The following SH3BP1 variants were observed in gnomAD, a reference collection of about 807,000 sequenced individuals.
SH3BP1 encodes the protein SH3 domain-binding protein 1.
SH3BP1 carries 46 observed loss-of-function variants against 69.8 expected under a neutral mutation model. That is an observed-to-expected ratio of 0.66 (90% CI 0.52 to 0.84). The LOEUF is 0.84. Ranked by LOEUF, SH3BP1 falls within the 40% of genes least tolerant of loss-of-function variation. The probability of loss-of-function intolerance (pLI) is 0.00; values close to 1 mark genes in which losing one functional copy is unlikely to be tolerated. For missense variants in SH3BP1, 868 were observed against 930.9 expected (o/e 0.93, Z 0.88); for synonymous variants, 403 against 378.0 (o/e 1.07, Z -0.77).
chr22:37,642,916 T>C lies in SH3BP1; in HGVS notation c.306T>C (p.Cys102=). 2.5e-6 allele frequency: 4 copies of C among 1,612,678 alleles called. No homozygotes were observed. Among genetic ancestry groups the C allele is most frequent in the African/African-American group, 1.3e-5 (1 of 74,992 alleles). Residue 102 remains cysteine (C), a synonymous_variant, in exon 5 of 18, where the codon TGT becomes TGC. Transcript: ENST00000649765. ...SSMGKALEMS[C]AIQNQLARIL... ...ACAGGAAGGCCTTGGAGATGAGCTG[T>C]GCCATCCAGAATCAGCTGGCCCGCA...
Position 37,655,447 on chromosome 22 carries a change from A to G in SH3BP1, c.1869A>G (p.Leu623=). Residue 623 remains leucine (L), a synonymous_variant, in exon 18 of 18, where the codon TTA becomes TTG. Coordinates refer to ENST00000649765, the MANE Select transcript of SH3BP1 (RefSeq NM_018957.6). ...SLRAPTVPPP[L]PPTPPQPARR... ...GAGCCCCCACAGTGCCACCCCCGTTACCCCCCACACCCCCTCAGCCTGCCC... is the reference window on the plus strand; with the variant it reads ...GAGCCCCCACAGTGCCACCCCCGTTGCCCCCCACACCCCCTCAGCCTGCCC... 1.2e-5 allele frequency: 5 copies of G among 425,458 alleles called. No individual in the cohort carries two copies. Among genetic ancestry groups the G allele is most frequent in the South Asian group, 2.9e-5 (1 of 34,454 alleles). The allele number at this position is 425,458 out of a possible 1,614,324, so 26.4% of individuals were successfully genotyped here. A position where few individuals can be genotyped will look rare whatever the true frequency, so the allele number is the denominator to read the frequency against.
chr22:37,642,410 G>C, intron 3 of SH3BP1, 129 bp from the exon 4 acceptor site: 2 of 803,778 alleles, frequency 2.5e-6, no homozygotes, highest in Non-Finnish European at 4.1e-6. Flanking sequence ...TTGTCATCTT[G>C]TTTCCACTCT....
intron 13 of SH3BP1, 35 bp downstream of exon 13, chr22:37,647,556 A>G: frequency 1.9e-6 from 3 of 1,553,558 alleles, no homozygotes; most frequent in Non-Finnish European, 2.6e-6. Flanking sequence ...CCTGCCGCAG[A>G]GCCAGAGCCC....
At chr22:37,645,618 C>G in intron 10 of SH3BP1, 108 bp downstream of exon 10, 1 of 1,312,648 alleles carries the variant, frequency 7.6e-7, no homozygotes, top group East Asian at 2.4e-5. Context: ...CATTCGAGCC[C>G]AGCTCCCTGG....
chr22:37,655,839 G>C lies in SH3BP1; in HGVS notation c.*155G>C. On this transcript the variant is annotated 3_prime_UTR_variant, in exon 18 of 18. Transcript: ENST00000649765. Reference sequence around the variant, plus strand: ...TGGGTCGGCCCCCATGGCCAGGAGGGCTCAGGACAATCCTCTATTTCCTGA... The same window carrying C: ...TGGGTCGGCCCCCATGGCCAGGAGGCCTCAGGACAATCCTCTATTTCCTGA... 6.7e-7 allele frequency: 1 copy of C among 1,499,180 alleles called. No homozygotes were observed. The highest frequency in any genetic ancestry group is 1.3e-5 in the South Asian group (1 of 76,980). 92.9% of individuals were successfully genotyped at this position (1,499,180 alleles called of 1,614,324 possible). A position where few individuals can be genotyped will look rare whatever the true frequency, so the allele number is the denominator to read the frequency against.
chr22:37,652,082 T>A (rs1335066443), intron 16 of SH3BP1, among the ~76,000 whole-genome samples: 2 of 151,852 alleles, frequency 1.3e-5, no homozygotes, highest in Non-Finnish European at 2.9e-5. Flanking sequence ...TCCCAGCACT[T>A]TGGGAGGCCG....
chr22:37,650,479 G>A (rs909367988), intron 15 of SH3BP1, 63 bp from the exon 16 acceptor site: 16 of 1,553,920 alleles, frequency 1.0e-5, no homozygotes, highest in East Asian at 6.8e-5. Context: ...AAACGGTCCC[G>A]GCCAGTGGAG....
Position 37,647,286 on chromosome 22 carries a change from G to T in SH3BP1, c.1056G>T (p.Leu352=). Residue 352 remains leucine (L), a synonymous_variant, in exon 12 of 18, where the codon CTG becomes CTT. Coordinates refer to ENST00000649765, the MANE Select transcript of SH3BP1 (RefSeq NM_018957.6). The stretch of plus-strand genomic sequence containing the variant: ...CTTCAGGTGCCCTCAAGTCCTATCT[G>T]CGGGAGCTGCCAGAGCCTCTGATGA... ...HAVAGALKSY[L]RELPEPLMTF... is the part of the protein sequence containing the mutation. The T allele has an allele frequency of 6.2e-7, 1 of 1,614,028 alleles. No individual in the cohort carries two copies. Among genetic ancestry groups the T allele is most frequent in the Non-Finnish European group, 8.5e-7 (1 of 1,179,964 alleles).
chr22:37,642,296 A>G, intron 3 of SH3BP1: 2 of 529,104 alleles, frequency 3.8e-6, no homozygotes, highest in Non-Finnish European at 6.9e-6. Context: ...GGACTTGGTC[A>G]TTCCTTCCTG....
chr22:37,652,741 C>G (rs1166655797), intron 16 of SH3BP1, among the ~76,000 whole-genome samples: 2 of 149,564 alleles, frequency 1.3e-5, no homozygotes, highest in Non-Finnish European at 3.0e-5. Flanking sequence ...AGGAGAATGG[C>G]TTGAACCGGG....
chr22:37,655,272 C>A lies in SH3BP1; in HGVS notation c.1694C>A (p.Thr565Asn), dbSNP rs1211988184. The A allele has an allele frequency of 1.9e-6, 3 of 1,586,036 alleles. No individual in the cohort carries two copies. Among genetic ancestry groups the A allele is most frequent in the Non-Finnish European group, 2.6e-6 (3 of 1,169,294 alleles). The change falls in exon 18 of 18, where the codon ACC becomes AAC. Residue 565 changes from threonine (T) to asparagine (N), a missense_variant and splice_region_variant. By Grantham distance (65) the Thr-to-Asn change is moderately conservative (BLOSUM62 0). Coordinates refer to ENST00000649765, the MANE Select transcript of SH3BP1 (RefSeq NM_018957.6). ...CCCTCACCCTTTCCTTCCTCAACAG[C>A]CAAGCGCCCGGCGCCAGCCCGGCCC... ...AAPVEDMARR[T>N]KRPAPARPTM...
intron 17 of SH3BP1, 132 bp from the exon 18 acceptor site, chr22:37,655,140 G>A (rs2146078537): frequency 1.5e-6 from 1 of 664,612 alleles, no homozygotes; most frequent in South Asian, 2.1e-5. Context: ...ACGATGAGGA[G>A]CCAGCCGCAG....
intron 10 of SH3BP1, among the ~76,000 whole-genome samples, chr22:37,646,185 AC>A (rs1352356698): frequency 6.7e-6 from 1 of 150,260 alleles, no homozygotes; most frequent in Non-Finnish European, 1.5e-5. Context: ...CTAGTCCTGA[AC>A]TCCTAACCTC....
At chr22:37,647,132 C>T (rs1932798679) in intron 11 of SH3BP1, 135 bp from the exon 12 acceptor site, 2 of 868,720 alleles carry the variant, frequency 2.3e-6, no homozygotes, top group South Asian at 1.6e-5. Flanking sequence ...TTCATTTTCT[C>T]AAAAGGGCCT....
intron 11 of SH3BP1, 21 bp from the exon 12 acceptor site, chr22:37,647,246 C>A: frequency 6.2e-7 from 1 of 1,611,686 alleles, no homozygotes; most frequent in Non-Finnish European, 8.5e-7. Context: ...GCCTCTGACC[C>A]TCCCCACACC....
chr22:37,644,548 G>C, intron 7 of SH3BP1, 89 bp from the exon 8 acceptor site: 2 of 1,258,126 alleles, frequency 1.6e-6, no homozygotes, highest in African/African-American at 1.5e-5. Context: ...GTGTGGCCTG[G>C]GGGAGGTCAC....
intron 4 of SH3BP1, 107 bp from the exon 5 acceptor site, chr22:37,642,788 A>G: frequency 3.1e-6 from 5 of 1,593,228 alleles, no homozygotes; most frequent in Non-Finnish European, 4.3e-6. Flanking sequence ...GCAGAGATGA[A>G]GGATATCTAG....
intron 4 of SH3BP1, 28 bp downstream of exon 4, chr22:37,642,643 C>T: frequency 6.2e-7 from 1 of 1,613,002 alleles, no homozygotes; most frequent in Non-Finnish European, 8.5e-7. Flanking sequence ...CCAGCCCTCA[C>T]CTGGGGATAC....
chr22:37,650,345 G>A (rs1022105036), intron 15 of SH3BP1, 96 bp downstream of exon 15: 2 of 1,508,360 alleles, frequency 1.3e-6, no homozygotes, highest in Non-Finnish European at 1.8e-6. Flanking sequence ...AGTCCAGGAG[G>A]AAGTCTGAGC....
Sources: gnomAD v4.1 joint callset for allele counts (sites outside exome capture counted in the v4.1 genomes callset) on GRCh38, gnomAD v4.1.1 for gene constraint, MANE v1.5 for transcripts, NCBI Gene and HGNC (gene_info 2026-07-23, HGNC 2026-07-21) for gene names.